The following GRIK2 variants were observed in gnomAD, a reference collection of about 807,000 sequenced individuals.
GRIK2 encodes glutamate receptor ionotropic, kainate 2.
In GRIK2, 32 loss-of-function variants were observed where a neutral mutation model predicts 100.3. That is an observed-to-expected ratio of 0.32 (90% CI 0.24 to 0.43). The LOEUF is 0.43. Ranked by LOEUF, GRIK2 falls within the 20% of genes least tolerant of loss-of-function variation. The pLI is 1.00. For synonymous variants in GRIK2, 417 were observed against 389.4 expected (o/e 1.07, Z -0.83); for missense variants, 843 against 1,114.9 (o/e 0.76, Z 3.47).
intron 2 of GRIK2, among the ~76,000 whole-genome samples, chr6:101,566,028 G>C (rs1777255029): frequency 6.7e-6 from 1 of 148,980 alleles, no homozygotes; most frequent in African/African-American, 2.5e-5. Flanking sequence ...TATTTAAGTA[G>C]ATAGTGGATC....
chr6:102,001,468 G>A (rs1237431898), intron 14 of GRIK2, among the ~76,000 whole-genome samples: 1 of 151,308 alleles, frequency 6.6e-6, no homozygotes, highest in South Asian at 2.1e-4. Context: ...TTGGTTTTCT[G>A]TTCCTCTCTT....
intron 14 of GRIK2, among the ~76,000 whole-genome samples, chr6:101,949,293 A>G (rs925998934): frequency 1.2e-4 from 19 of 152,018 alleles, no homozygotes; most frequent in African/African-American, 4.6e-4. Flanking sequence ...AGATTTGATT[A>G]TAATAGAAAT....
chr6:101,621,857 A>C, intron 2 of GRIK2, 92 bp from the exon 3 acceptor site: 1 of 863,630 alleles, frequency 1.2e-6, no homozygotes, highest in South Asian at 1.4e-5. Flanking sequence ...GCACATATAT[A>C]AAAGTACAGA....
At chr6:101,679,844 A>G (rs1771110315) in intron 5 of GRIK2, among the ~76,000 whole-genome samples, 1 of 152,136 alleles carries the variant, frequency 6.6e-6, no homozygotes. Flanking sequence ...GGTTCAAGCA[A>G]TTCTCTGCCT....
chr6:101,553,472 G>C (rs1052131579), intron 2 of GRIK2, among the ~76,000 whole-genome samples: 2 of 152,108 alleles, frequency 1.3e-5, no homozygotes, highest in African/African-American at 4.8e-5. Context: ...CTGGTAGCTA[G>C]TATATGTTCA....
chr6:101,959,818 C>T (rs549117107), intron 14 of GRIK2, among the ~76,000 whole-genome samples: 1 of 151,934 alleles, frequency 6.6e-6, no homozygotes, highest in Non-Finnish European at 1.5e-5. Flanking sequence ...CTTTGGATAA[C>T]CTAATAACTA....
intron 7 of GRIK2, among the ~76,000 whole-genome samples, chr6:101,735,738 A>T (rs916720989): frequency 2.0e-5 from 3 of 152,164 alleles, no homozygotes; most frequent in African/African-American, 7.2e-5. Context: ...CACAGAGCCA[A>T]ACCATATCAT....
At chr6:101,870,404 T>C (rs941510140) in intron 11 of GRIK2, among the ~76,000 whole-genome samples, 6 of 151,840 alleles carry the variant, frequency 4.0e-5, no homozygotes, top group Admixed American at 6.6e-5. Context: ...CTACTTATAA[T>C]CAGGAATATG....
chr6:101,742,689 G>T (rs1414212574), intron 7 of GRIK2, among the ~76,000 whole-genome samples: 3 of 152,150 alleles, frequency 2.0e-5, no homozygotes, highest in Non-Finnish European at 4.4e-5. Context: ...TAAAGACCTG[G>T]GATCAATAGA....
chr6:101,424,982 T>G (rs1232382229), intron 2 of GRIK2, among the ~76,000 whole-genome samples: 2 of 151,984 alleles, frequency 1.3e-5, no homozygotes, highest in Admixed American at 1.3e-4. Flanking sequence ...GACATTTGGG[T>G]TGGTTCCAAG....
chr6:101,732,912 C>G (rs1463597597), intron 7 of GRIK2, among the ~76,000 whole-genome samples: 1 of 152,054 alleles, frequency 6.6e-6, no homozygotes, highest in Non-Finnish European at 1.5e-5. Flanking sequence ...AAAGAGAGAG[C>G]AAGGTCTCTA....
intron 7 of GRIK2, among the ~76,000 whole-genome samples, chr6:101,760,597 A>AT (rs1777520362): frequency 4.2e-5 from 4 of 94,226 alleles, no homozygotes; most frequent in African/African-American, 1.8e-4. Context: ...ATTATATATA[A>AT]TTATATATAA....
chr6:102,064,802 A>G (rs1265719261), intron 16 of GRIK2, among the ~76,000 whole-genome samples: 2 of 151,208 alleles, frequency 1.3e-5, no homozygotes, highest in African/African-American at 4.8e-5. Context: ...ACAAAAAGAA[A>G]AGAATGTATA....
At chr6:101,787,901 T>C (rs1006729828) in intron 7 of GRIK2, among the ~76,000 whole-genome samples, 2 of 152,120 alleles carry the variant, frequency 1.3e-5, no homozygotes, top group African/African-American at 2.4e-5. Flanking sequence ...GATATTAAAG[T>C]CCTTAACTAT....
chr6:101,969,210 G>T (rs2128485291), intron 14 of GRIK2, among the ~76,000 whole-genome samples: 1 of 151,958 alleles, frequency 6.6e-6, no homozygotes, highest in South Asian at 2.1e-4. Flanking sequence ...GCATGATTGT[G>T]GGTGGCAAAC....
chr6:101,454,656 A>C (rs564386661), intron 2 of GRIK2, among the ~76,000 whole-genome samples: 7 of 152,084 alleles, frequency 4.6e-5, no homozygotes, highest in Non-Finnish European at 4.4e-5. Flanking sequence ...AGTCCAAACC[A>C]TTAGCTTTTA....
chr6:101,955,576 T>TTTCTCTCTCTCTCTCTCTCTCTCTCTC, intron 14 of GRIK2, among the ~76,000 whole-genome samples: 1 of 116,346 alleles, frequency 8.6e-6, no homozygotes, highest in African/African-American at 3.8e-5. Flanking sequence ...GAGCAAGGCC[T>TTTCTCTCTCTCTCTCTCTCTCTCTCTC]TCTCTCTCTC....
At chr6:101,940,349 A>G (rs193121352) in intron 14 of GRIK2, among the ~76,000 whole-genome samples, 1 of 152,068 alleles carries the variant, frequency 6.6e-6, no homozygotes, top group African/African-American at 2.4e-5. Flanking sequence ...CCTTTCATTG[A>G]TTTTTATTAC....
At chr6:101,793,725 C>G (rs1420449156) in intron 7 of GRIK2, among the ~76,000 whole-genome samples, 1 of 152,160 alleles carries the variant, frequency 6.6e-6, no homozygotes, top group Non-Finnish European at 1.5e-5. Flanking sequence ...GGGAGAACCA[C>G]TGCTCTCTTC....
Sources: gnomAD v4.1 joint callset for allele counts (sites outside exome capture counted in the v4.1 genomes callset) on GRCh38, gnomAD v4.1.1 for gene constraint, MANE v1.5 for transcripts, NCBI Gene and HGNC (gene_info 2026-07-23, HGNC 2026-07-21) for gene names.